Variants in TRPM3 observed in about 807,000 individuals in gnomAD.
TRPM3 encodes the protein transient receptor potential cation channel subfamily M member 3, also known as long transient receptor potential channel 3.
TRPM3 carries 77 observed loss-of-function variants against 181.2 expected under a neutral mutation model. The ratio of observed to expected loss-of-function variants is 0.42; its 90% confidence interval spans 0.35 to 0.51. TRPM3 has a LOEUF of 0.51. Ranked by LOEUF, TRPM3 falls within the 20% of genes least tolerant of loss-of-function variation. TRPM3 has a pLI of 0.01. For synonymous variants in TRPM3, 745 were observed against 796.4 expected, an observed-to-expected ratio of 0.94 and a Z score of 1.09; for missense variants, 1,759 against 2,196.7, an observed-to-expected ratio of 0.80 and a Z score of 3.98.
At chr9:71,368,774 CTT>C (rs1298678197) in intron 1 of TRPM3, among the ~76,000 whole-genome samples, 6 of 152,154 alleles carry the variant, frequency 3.9e-5, no homozygotes, top group Admixed American at 1.3e-4. Context: ...AAAACGAAAT[CTT>C]TTTGATTCAC....
intron 22 of TRPM3, among the ~76,000 whole-genome samples, chr9:70,566,756 A>C (rs940853333): frequency 6.6e-6 from 1 of 152,176 alleles, no homozygotes; most frequent in Non-Finnish European, 1.5e-5. Flanking sequence ...GGTCCTGTGC[A>C]GTCTGCAACA....
intron 1 of TRPM3, among the ~76,000 whole-genome samples, chr9:70,972,106 A>T (rs1233329529): frequency 1.3e-5 from 2 of 152,158 alleles, no homozygotes; most frequent in Non-Finnish European, 2.9e-5. Flanking sequence ...AGAACTGAAA[A>T]CATATTTTCA....
chr9:71,337,521 C>A (rs774701201), intron 1 of TRPM3, among the ~76,000 whole-genome samples: 3 of 152,078 alleles, frequency 2.0e-5, no homozygotes, highest in Non-Finnish European at 4.4e-5. Context: ...AAAAGTGTGG[C>A]AATTCCTCAA....
chr9:70,652,048 T>C (rs1275020251), intron 9 of TRPM3, among the ~76,000 whole-genome samples: 1 of 151,996 alleles, frequency 6.6e-6, no homozygotes, highest in Non-Finnish European at 1.5e-5. Flanking sequence ...TATGAATAGA[T>C]CGACATGGGG....
intron 9 of TRPM3, among the ~76,000 whole-genome samples, chr9:70,668,830 C>T (rs1206233207): frequency 6.6e-6 from 1 of 152,158 alleles, no homozygotes; most frequent in Admixed American, 6.5e-5. Context: ...AATTGTGCTG[C>T]TATCAATTTC....
intron 1 of TRPM3, among the ~76,000 whole-genome samples, chr9:70,923,522 A>G (rs1015826008): frequency 6.6e-6 from 1 of 152,134 alleles, no homozygotes; most frequent in Non-Finnish European, 1.5e-5. Context: ...AAGAAGAAAA[A>G]AAGTAACTAT....
intron 1 of TRPM3, among the ~76,000 whole-genome samples, chr9:71,004,932 A>C (rs950560029): frequency 6.6e-6 from 1 of 152,220 alleles, no homozygotes; most frequent in Non-Finnish European, 1.5e-5. Flanking sequence ...AGGAACAAAA[A>C]TAAAAATGAA....
chr9:71,147,016 C>G (rs1259108084), intron 1 of TRPM3, among the ~76,000 whole-genome samples: 1 of 152,096 alleles, frequency 6.6e-6, no homozygotes, highest in Non-Finnish European at 1.5e-5. Flanking sequence ...CGAGGGAAAC[C>G]AAGTAGGGGC....
chr9:70,642,175 C>T (rs1469630204), intron 9 of TRPM3, among the ~76,000 whole-genome samples: 1 of 152,132 alleles, frequency 6.6e-6, no homozygotes, highest in Non-Finnish European at 1.5e-5. Context: ...TAGGCACTTC[C>T]ATATGTCATA....
At chr9:71,327,548 G>A (rs960292652) in intron 1 of TRPM3, among the ~76,000 whole-genome samples, 1 of 152,138 alleles carries the variant, frequency 6.6e-6, no homozygotes, top group Non-Finnish European at 1.5e-5. Context: ...TAGGAACAGG[G>A]AAAACAGTGC....
At chr9:71,247,353 CAAAAA>C (rs34584730) in intron 1 of TRPM3, among the ~76,000 whole-genome samples, 2 of 82,336 alleles carry the variant, frequency 2.4e-5, no homozygotes, top group African/African-American at 5.7e-5. Flanking sequence ...GACTCTGTCT[CAAAAA>C]AAAAAAAAAA....
chr9:70,918,576 A>G (rs976058854), intron 1 of TRPM3, among the ~76,000 whole-genome samples: 2 of 152,304 alleles, frequency 1.3e-5, no homozygotes, highest in African/African-American at 2.4e-5. Flanking sequence ...ACAAATTATA[A>G]TGCAACACAA....
In TRPM3 at chr9:70,535,630, C is replaced by T. The variant is rs1037552396; in HGVS notation, c.*323G>A. 1.4e-5 allele frequency: 21 copies of T among 1,454,606 alleles called. No individual in the cohort carries two copies. Among genetic ancestry groups the T allele is most frequent in the Non-Finnish European group, 1.7e-5 (19 of 1,110,926 alleles). 90.1% of individuals were successfully genotyped at this position (1,454,606 alleles called of 1,614,324 possible). On this transcript the variant is annotated 3_prime_UTR_variant, in exon 26 of 26. Coordinates refer to ENST00000677713, the MANE Select transcript of TRPM3 (RefSeq NM_001366145.2). ...CCTGGCATGGAGCGTGCTCGAAGCC[C>T]CTTGTTTCCCCTGCTCTCATGGCTT...
At chr9:71,152,029 C>T (rs748053958) in intron 1 of TRPM3, among the ~76,000 whole-genome samples, 2 of 152,008 alleles carry the variant, frequency 1.3e-5, no homozygotes, top group Non-Finnish European at 2.9e-5. Flanking sequence ...GTTTTTCAAT[C>T]GATTTATATG....
In TRPM3 at chr9:71,326,032, T is replaced by C. The variant is rs564127646; in HGVS notation, c.183+120621A>G. Reference sequence around the variant, plus strand: ...TAGTGATGTGATATGAACATTGCAATGTATTTGATTTATATATTTCATCCA... The same window carrying C: ...TAGTGATGTGATATGAACATTGCAACGTATTTGATTTATATATTTCATCCA... On this transcript the variant is annotated intron_variant, in intron 1 of 24. Coordinates refer to the TRPM3 transcript ENST00000357533. Among the ~76,000 whole-genome samples, 3 of 152,306 alleles carry C rather than the reference T, an allele frequency of 2.0e-5. No individual in the cohort carries two copies. The South Asian group carries it at 6.2e-4, about 32-fold the overall frequency.
intron 1 of TRPM3, among the ~76,000 whole-genome samples, chr9:70,994,372 A>G (rs1211549132): frequency 1.3e-5 from 2 of 152,180 alleles, no homozygotes; most frequent in African/African-American, 4.8e-5. Context: ...AGGTGTATGT[A>G]ACTCCAAAGC....
chr9:71,423,694 A>G (rs967397697), intron 1 of TRPM3, among the ~76,000 whole-genome samples: 1 of 152,134 alleles, frequency 6.6e-6, no homozygotes, highest in African/African-American at 2.4e-5. Context: ...ACACACGTAT[A>G]TATGTAGGTA....
At chr9:71,309,037 T>C (rs2087660659) in intron 1 of TRPM3, among the ~76,000 whole-genome samples, 1 of 152,176 alleles carries the variant, frequency 6.6e-6, no homozygotes, top group Non-Finnish European at 1.5e-5. Context: ...TGCTGCTACA[T>C]GTTCTAAAGC....
intron 1 of TRPM3, among the ~76,000 whole-genome samples, chr9:71,206,905 A>G (rs1179949096): frequency 3.3e-5 from 5 of 152,078 alleles, no homozygotes; most frequent in African/African-American, 4.8e-5. Context: ...CTTAAAATGT[A>G]CAAAACCATT....
Sources: gnomAD v4.1 joint callset for allele counts (sites outside exome capture counted in the v4.1 genomes callset) on GRCh38, gnomAD v4.1.1 for gene constraint, MANE v1.5 for transcripts, NCBI Gene and HGNC (gene_info 2026-07-23, HGNC 2026-07-21) for gene names.